SOCS5: variants seen among roughly 807,000 people sequenced by gnomAD.
SOCS5 encodes suppressor of cytokine signaling 5.
A neutral mutation model predicts 42.8 loss-of-function variants in SOCS5; 32 were observed. The ratio of observed to expected loss-of-function variants is 0.75; its 90% CI spans 0.56 to 1.01. The LOEUF (loss-of-function observed/expected upper bound fraction) is 1.01. SOCS5 is among the 50% of genes least tolerant of loss of function. The probability of loss-of-function intolerance (pLI) is 0.00; values close to 1 mark genes in which losing one functional copy is unlikely to be tolerated. For synonymous variants in SOCS5, 283 were observed against 229.6 expected (o/e 1.23, Z -2.10); for missense variants, 627 against 653.0 (o/e 0.96, Z 0.43).
rs1023772041 is a variant in SOCS5 at position 46,751,938 on chromosome 2, G to T, written c.-12-6581G>T. On this transcript the variant is annotated intron_variant, in intron 1 of 1. Coordinates refer to ENST00000394861, the MANE Select transcript of SOCS5 (RefSeq NM_144949.3). ...ATTTTGTGACAAGGGAAAATTATAT[G>T]AAATTTAAGTATCACTGACCATAAA... Among the ~76,000 whole-genome samples, 63 of 152,136 alleles carry T rather than the reference G, an allele frequency of 4.1e-4. 1 individual carries two copies. Among genetic ancestry groups the T allele is most frequent in the African/African-American group, 1.5e-3 (62 of 41,440 alleles).
chr2:46,702,661 G>A (rs772364324), intron 1 of SOCS5, among the ~76,000 whole-genome samples: 1 of 152,172 alleles, frequency 6.6e-6, no homozygotes, highest in African/African-American at 2.4e-5. Context: ...ATATTTTGAT[G>A]ACTTCATTCA....
chr2:46,715,597 C>T (rs916462759), intron 1 of SOCS5, among the ~76,000 whole-genome samples: 5 of 152,060 alleles, frequency 3.3e-5, no homozygotes, highest in Admixed American at 6.5e-5. Context: ...TTTTTAGGAT[C>T]CCCTCCGCCC....
At position 46,759,387 on chromosome 2, in the gene SOCS5, C is replaced by T. The variant is rs748546133; in HGVS notation, c.857C>T (p.Thr286Ile). Residue 286 changes from threonine to isoleucine, a missense_variant, in exon 2 of 2, where the codon ACA becomes ATA. Coordinates refer to ENST00000394861, the MANE Select transcript of SOCS5 (RefSeq NM_144949.3). ...VDPPPNAQIH[T>I]FEATAQVNPL... Reference sequence around the variant, plus strand: ...CCCCCTCCCAATGCACAAATACATACATTTGAAGCTACTGCACAGGTTAAT... The same window carrying T: ...CCCCCTCCCAATGCACAAATACATATATTTGAAGCTACTGCACAGGTTAAT... The T allele has an allele frequency of 1.2e-6, 2 of 1,613,972 alleles. No individual in the cohort carries two copies. Among genetic ancestry groups the T allele is most frequent in the Non-Finnish European group, 1.7e-6 (2 of 1,179,846 alleles).
intron 1 of SOCS5, among the ~76,000 whole-genome samples, chr2:46,710,761 G>A (rs1307662394): frequency 2.0e-5 from 3 of 152,194 alleles, no homozygotes; most frequent in African/African-American, 7.2e-5. Context: ...TTCAAGATTA[G>A]TTTTGACAAT....
intron 1 of SOCS5, among the ~76,000 whole-genome samples, chr2:46,706,808 G>A (rs1031140458): frequency 2.0e-5 from 3 of 152,180 alleles, no homozygotes; most frequent in African/African-American, 7.2e-5. Context: ...AGCCGGTGAA[G>A]AGGGGTTGTG....
At chr2:46,717,515 T>A in intron 1 of SOCS5, among the ~76,000 whole-genome samples, 1 of 152,210 alleles carries the variant, frequency 6.6e-6, no homozygotes, top group East Asian at 1.9e-4. Context: ...ATAAACAATT[T>A]CGGGTTAACG....
At chr2:46,738,710 T>C (rs1367324320) in intron 1 of SOCS5, among the ~76,000 whole-genome samples, 1 of 152,226 alleles carries the variant, frequency 6.6e-6, no homozygotes, top group Admixed American at 6.5e-5. Flanking sequence ...GAACATATGT[T>C]CTCATAGCTT....
chr2:46,704,179 T>A (rs997125940), intron 1 of SOCS5, among the ~76,000 whole-genome samples: 4 of 152,254 alleles, frequency 2.6e-5, no homozygotes, highest in African/African-American at 4.8e-5. Flanking sequence ...ATAATTTTTT[T>A]AAAATTGTAT....
chr2:46,733,926 C>G (rs756038225), intron 1 of SOCS5, among the ~76,000 whole-genome samples: 2 of 152,336 alleles, frequency 1.3e-5, no homozygotes, highest in Non-Finnish European at 2.9e-5. Context: ...AGTTAATAAA[C>G]TGTCCCACAC....
rs113212640 is a variant in SOCS5 at position 46,720,499 on chromosome 2, A to G, written c.-13+21050A>G. On this transcript the variant is annotated intron_variant, in intron 1 of 1. Coordinates refer to ENST00000394861, the MANE Select transcript of SOCS5 (RefSeq NM_144949.3). ...AGAATCTCTTAAAGAATTCAGCAGT[A>G]TTTGCTTTTCCAATTTGGCATTTCT... 2.7e-3 allele frequency among the ~76,000 whole-genome samples: 416 copies of G among 152,296 alleles called. 2 individuals are homozygous for G. The highest frequency in any genetic ancestry group is 9.4e-3 in the African/African-American group (389 of 41,564).
chr2:46,705,792 G>A (rs935315809), intron 1 of SOCS5, among the ~76,000 whole-genome samples: 1 of 152,176 alleles, frequency 6.6e-6, no homozygotes, highest in Non-Finnish European at 1.5e-5. Context: ...TTAAAAGACG[G>A]ACTGGCAGTG....
rs556088498 is a variant in SOCS5, at chr2:46,754,593, A to C, written c.-12-3926A>C. 3.5e-4 allele frequency among the ~76,000 whole-genome samples: 53 copies of C among 152,118 alleles called. 1 individual carries two copies. The highest frequency in any genetic ancestry group is 7.4e-4 in the Non-Finnish European group (50 of 67,974). ...TGGGTATACTAGATTAGAGGACTGC[A>C]CCTCTTTTTGAGTGTACATGGTCTA... On this transcript the variant is annotated intron_variant, in intron 1 of 1. Coordinates refer to ENST00000394861, the MANE Select transcript of SOCS5 (RefSeq NM_144949.3).
chr2:46,720,195 G>T (rs1672848621), intron 1 of SOCS5, among the ~76,000 whole-genome samples: 1 of 152,164 alleles, frequency 6.6e-6, no homozygotes, highest in Non-Finnish European at 1.5e-5. Flanking sequence ...AAAGTGATTA[G>T]TACAATTCCT....
intron 1 of SOCS5, among the ~76,000 whole-genome samples, chr2:46,739,264 T>G (rs911757696): frequency 6.6e-6 from 1 of 152,328 alleles, no homozygotes; most frequent in South Asian, 2.1e-4. Context: ...TGTCATAAGA[T>G]GTAATATCTT....
chr2:46,712,971 G>T (rs41371146), intron 1 of SOCS5, among the ~76,000 whole-genome samples: 1 of 152,044 alleles, frequency 6.6e-6, no homozygotes, highest in African/African-American at 2.4e-5. Flanking sequence ...GATGTTCTTC[G>T]TTAAATGTTT....
chr2:46,719,003 A>G (rs1176664889), intron 1 of SOCS5, among the ~76,000 whole-genome samples: 1 of 152,200 alleles, frequency 6.6e-6, no homozygotes, highest in East Asian at 1.9e-4. Context: ...TTACAATGGT[A>G]TTTATAATGT....
At chr2:46,731,081 A>G (rs1293733495) in intron 1 of SOCS5, among the ~76,000 whole-genome samples, 2 of 152,184 alleles carry the variant, frequency 1.3e-5, no homozygotes, top group African/African-American at 4.8e-5. Context: ...CATCTGCTGG[A>G]TACTCTTCAA....
At chr2:46,721,070 G>A (rs1019759027) in intron 1 of SOCS5, among the ~76,000 whole-genome samples, 3 of 152,142 alleles carry the variant, frequency 2.0e-5, no homozygotes, top group African/African-American at 7.2e-5. Context: ...CTACTACCTA[G>A]ACATTACAGC....
At chr2:46,727,338 C>T (rs745965552) in intron 1 of SOCS5, among the ~76,000 whole-genome samples, 2 of 152,064 alleles carry the variant, frequency 1.3e-5, no homozygotes, top group Non-Finnish European at 2.9e-5. Context: ...AATACTGTGT[C>T]ATCTCAGTGT....
Sources: allele counts gnomAD v4.1 joint callset (sites outside exome capture counted in the v4.1 genomes callset), GRCh38; gene constraint gnomAD v4.1.1; transcripts MANE v1.5; gene names NCBI Gene and HGNC (gene_info 2026-07-23, HGNC 2026-07-21).